DOCK1: variants seen among roughly 807,000 people sequenced by gnomAD.
DOCK1 encodes dedicator of cytokinesis protein 1.
DOCK1 carries 138 observed loss-of-function variants against 262.7 expected under a neutral mutation model. That is an observed-to-expected ratio of 0.53 (90% CI 0.46 to 0.61). DOCK1 has a LOEUF of 0.61. Among genes scored for constraint, DOCK1 ranks in the 20% least tolerant of loss-of-function variants. The probability of loss-of-function intolerance (pLI) is 0.00; values close to 1 mark genes in which losing one functional copy is unlikely to be tolerated. For missense variants in DOCK1, 1,908 were observed against 2,370.7 expected, an observed-to-expected ratio of 0.80 and a Z score of 4.05; for synonymous variants, 866 against 867.4, an observed-to-expected ratio of 1.00 and a Z score of 0.03.
intron 27 of DOCK1, chr10:127,128,065 C>T: frequency 5.4e-6 from 1 of 186,904 alleles, no homozygotes; most frequent in East Asian, 1.3e-4. Flanking sequence ...CTTAAGGTGC[C>T]ATTAATAAAA....
In DOCK1 at chr10:127,343,664, C is replaced by T; in HGVS notation, c.3142C>T (p.His1048Tyr). The change falls in exon 31 of 52, where the codon CAC becomes TAC. Residue 1048 changes from histidine (H) to tyrosine (Y), a missense_variant. Coordinates refer to ENST00000623213, the MANE Select transcript of DOCK1 (RefSeq NM_001290223.2). ...TTTTCAGCTGTGGAACAACTACTTT[C>T]ACCTGGCTGTTGCTTTCCTTACTCA... ...FELQLWNNYF[H>Y]LAVAFLTQES... The T allele has an allele frequency of 1.2e-6, 2 of 1,610,404 alleles. No individual in the cohort carries two copies. Among genetic ancestry groups the T allele is most frequent in the Non-Finnish European group, 1.7e-6 (2 of 1,178,450 alleles).
intron 1 of DOCK1, among the ~76,000 whole-genome samples, chr10:126,913,110 A>C (rs184055310): frequency 1.1e-4 from 17 of 152,206 alleles, no homozygotes; most frequent in African/African-American, 4.1e-4. Context: ...CTTGTAATCA[A>C]ATTAGTGACA....
intron 33 of DOCK1, among the ~76,000 whole-genome samples, chr10:127,372,372 A>C (rs1193500945): frequency 6.6e-6 from 1 of 152,014 alleles, no homozygotes; most frequent in Non-Finnish European, 1.5e-5. Flanking sequence ...TGTCACAGGC[A>C]CTCTGGATGA....
intron 29 of DOCK1, among the ~76,000 whole-genome samples, chr10:127,316,045 G>A (rs1240297847): frequency 1.3e-5 from 2 of 152,238 alleles, no homozygotes; most frequent in East Asian, 3.9e-4. Context: ...AAAAAAAAAG[G>A]TGTATATTTA....
intron 27 of DOCK1, among the ~76,000 whole-genome samples, chr10:127,168,788 C>G (rs1276181911): frequency 6.6e-6 from 1 of 152,198 alleles, no homozygotes. Context: ...TAAGCCCACA[C>G]CTTCGTGATT....
In DOCK1 at chr10:127,075,052, C is replaced by T. The variant is rs535216098; in HGVS notation, c.2445+13276C>T. 1.7e-4 allele frequency among the ~76,000 whole-genome samples: 26 copies of T among 151,608 alleles called. No individual in the cohort carries two copies. In the South Asian group the frequency reaches 4.8e-3, roughly 28 times the overall value. The stretch of plus-strand genomic sequence containing the variant: ...GGCTTGGTGGTGCATGCCTGTAGTC[C>T]CAGCTACTTGGGAGGCTGAGGCAGG... On this transcript the variant is annotated intron_variant, in intron 23 of 51. Coordinates refer to ENST00000623213, the MANE Select transcript of DOCK1 (RefSeq NM_001290223.2).
chr10:127,290,785 T>C (rs1384060287), intron 29 of DOCK1, among the ~76,000 whole-genome samples: 2 of 152,236 alleles, frequency 1.3e-5, no homozygotes, highest in Non-Finnish European at 2.9e-5. Flanking sequence ...TACTGAGTAG[T>C]ATCCCATAAT....
intron 1 of DOCK1, among the ~76,000 whole-genome samples, chr10:126,956,637 G>T (rs1258322592): frequency 6.6e-6 from 1 of 152,186 alleles, no homozygotes; most frequent in Admixed American, 6.5e-5. Context: ...GCACATGTAG[G>T]GTGGCCCCGG....
At chr10:126,948,523 A>C (rs1173844006) in intron 1 of DOCK1, among the ~76,000 whole-genome samples, 20 of 151,674 alleles carry the variant, frequency 1.3e-4, no homozygotes, top group Admixed American at 1.3e-3. Context: ...GGGCCTTTTG[A>C]GGGCATCTGG....
At chr10:127,143,549 C>T (rs2051479322) in intron 27 of DOCK1, among the ~76,000 whole-genome samples, 1 of 152,168 alleles carries the variant, frequency 6.6e-6, no homozygotes, top group East Asian at 1.9e-4. Flanking sequence ...GGCAGGTGCA[C>T]CAGGATGTGG....
At chr10:127,063,465 T>C (rs2045667737) in intron 23 of DOCK1, among the ~76,000 whole-genome samples, 1 of 151,930 alleles carries the variant, frequency 6.6e-6, no homozygotes, top group Non-Finnish European at 1.5e-5. Context: ...TTCACTACGA[T>C]TTCTTGATTT....
At chr10:127,101,294 G>A (rs1270519055) in intron 23 of DOCK1, among the ~76,000 whole-genome samples, 1 of 152,090 alleles carries the variant, frequency 6.6e-6, no homozygotes. Context: ...GGGGAGAGTG[G>A]AGAAGGAGAG....
chr10:127,103,187 T>A (rs1378735514), intron 23 of DOCK1, among the ~76,000 whole-genome samples: 1 of 152,152 alleles, frequency 6.6e-6, no homozygotes, highest in Non-Finnish European at 1.5e-5. Context: ...GAAGGGACAT[T>A]TGGGTTGTTT....
chr10:127,285,006 G>A (rs1394882449), intron 29 of DOCK1, among the ~76,000 whole-genome samples: 1 of 151,984 alleles, frequency 6.6e-6, no homozygotes. Flanking sequence ...GTGAGGTGGT[G>A]TGCCCCCTGT....
intron 5 of DOCK1, among the ~76,000 whole-genome samples, chr10:126,990,116 T>A (rs1323289787): frequency 6.6e-6 from 1 of 152,218 alleles, no homozygotes; most frequent in East Asian, 1.9e-4. Context: ...CTTGCCCATC[T>A]CTGATCCAGA....
chr10:127,000,840 C>A (rs991870829), intron 10 of DOCK1: 1 of 149,798 alleles, frequency 6.7e-6, no homozygotes, highest in Non-Finnish European at 1.4e-5. Flanking sequence ...GGTGCTCTTT[C>A]TCCGCCATGT....
At chr10:126,994,450 A>C (rs936241900) in intron 6 of DOCK1, among the ~76,000 whole-genome samples, 3 of 152,160 alleles carry the variant, frequency 2.0e-5, no homozygotes, top group Non-Finnish European at 4.4e-5. Context: ...TGGTTTTCCT[A>C]GGCAGAGGAC....
At chr10:127,056,200 C>A (rs976945834) in intron 22 of DOCK1, among the ~76,000 whole-genome samples, 1 of 151,798 alleles carries the variant, frequency 6.6e-6, no homozygotes, top group Non-Finnish European at 1.5e-5. Context: ...TGCTCCTGAT[C>A]ATGATGATGA....
Position 126,990,546 on chromosome 10 carries a change from A to G in DOCK1, c.416A>G (p.Gln139Arg), listed in dbSNP as rs2039717058. ...RSQILSGTLP[Q>R]DELKELKKKV... Reference sequence around the variant, plus strand: ...CAAATTCTTTCTGGAACTCTGCCTCAGGATGAACTCAAAGAACTGAAGAAG... The same window carrying G: ...CAAATTCTTTCTGGAACTCTGCCTCGGGATGAACTCAAAGAACTGAAGAAG... The change falls in exon 6 of 52, where the codon CAG (glutamine) becomes CGG (arginine). Residue 139 changes from glutamine to arginine, a missense_variant. By Grantham distance (43) the Gln-to-Arg change is conservative. Around this residue, in one of 9 missense-constraint regions of DOCK1, gnomAD observed 227 missense variants for 254.1 expected, o/e 0.89. Transcript: ENST00000623213. 1.2e-6 allele frequency: 2 copies of G among 1,613,816 alleles called. No individual in the cohort carries two copies. Among genetic ancestry groups the G allele is most frequent in the Middle Eastern group, 1.6e-4 (1 of 6,084 alleles).
Sources: allele counts gnomAD v4.1 joint callset (sites outside exome capture counted in the v4.1 genomes callset), GRCh38; gene constraint gnomAD v4.1.1; regional missense constraint gnomAD v4.1.1; transcripts MANE v1.5; gene names NCBI Gene and HGNC (gene_info 2026-07-23, HGNC 2026-07-21).